ADAM11: variants seen among roughly 807,000 people sequenced by gnomAD.
ADAM11 encodes the protein disintegrin and metalloproteinase domain-containing protein 11.
Under a neutral mutation model 119.1 loss-of-function variants are expected in ADAM11, and 49 were observed. The ratio of observed to expected loss-of-function variants is 0.41; its 90% CI spans 0.33 to 0.52. The LOEUF is 0.52. ADAM11 is among the 20% of genes least tolerant of loss of function. ADAM11 has a pLI of 0.20. For missense variants in ADAM11, 777 were observed against 1,047.5 expected (o/e 0.74, Z 3.56); for synonymous variants, 364 against 408.0 (o/e 0.89, Z 1.30).
chr17:44,779,624 G>A, intron 26 of ADAM11, 115 bp from the exon 27 acceptor site: 1 of 1,497,808 alleles, frequency 6.7e-7, no homozygotes, highest in Non-Finnish European at 8.8e-7. Context: ...TCCCTGGCCA[G>A]CCTGTGACTT....
intron 2 of ADAM11, among the ~76,000 whole-genome samples, chr17:44,766,516 G>A (rs980129179): frequency 6.6e-6 from 1 of 152,154 alleles, no homozygotes; most frequent in African/African-American, 2.4e-5. Context: ...GGAGCCTCGG[G>A]TGGAAGGGGT....
At position 44,777,368 on chromosome 17, in the gene ADAM11, A is replaced by C; in HGVS notation, c.1781+103A>C. 6.6e-7 allele frequency: 1 copy of C among 1,520,746 alleles called. No individual in the cohort carries two copies. Among genetic ancestry groups the C allele is most frequent in the South Asian group, 1.2e-5 (1 of 83,990 alleles). 94.2% of individuals were successfully genotyped at this position (1,520,746 alleles called of 1,614,324 possible). On this transcript the variant is annotated intron_variant, in intron 21 of 26. Coordinates refer to ENST00000200557, the MANE Select transcript of ADAM11 (RefSeq NM_002390.6). The surrounding 1 kb of genome is among the most constrained non-coding windows in gnomAD (Gnocchi z 5.1). ...TCCCAGGAGGAGCCTGTCAGTCCCAATGGGCGGGCACGTGGCAAATGAGGT... is the reference window on the plus strand; with the variant it reads ...TCCCAGGAGGAGCCTGTCAGTCCCACTGGGCGGGCACGTGGCAAATGAGGT...
At position 44,774,717 on chromosome 17, in the gene ADAM11, C is replaced by A; in HGVS notation, c.1188C>A (p.Asp396Glu). The part of the protein sequence containing the change: ...RSSAGDCKCP[D>E]IWLGCIMEDT... ...CCTCAGGGGACTGCAAGTGTCCAGA[C>A]ATCTGGCTGGGCTGCATCATGGAGG... The change falls in exon 14 of 27, where the codon GAC becomes GAA. Residue 396 changes from aspartate (D) to glutamate (E), a missense_variant. Physicochemically the swap from Asp to Glu is conservative, Grantham distance 45. Transcript: ENST00000200557. 1 of 1,589,938 alleles carries A rather than the reference C, an allele frequency of 6.3e-7. No individual in the cohort carries two copies. Among genetic ancestry groups the A allele is most frequent in the Non-Finnish European group, 8.5e-7 (1 of 1,172,488 alleles).
chr17:44,769,195 C>A (rs1380239417), intron 2 of ADAM11, among the ~76,000 whole-genome samples: 2 of 152,206 alleles, frequency 1.3e-5, no homozygotes, highest in African/African-American at 4.8e-5. Flanking sequence ...TTTCCAGGGG[C>A]CTAGCCATCC....
intron 2 of ADAM11, among the ~76,000 whole-genome samples, chr17:44,761,374 G>A (rs912376546): frequency 4.6e-5 from 7 of 152,118 alleles, no homozygotes; most frequent in Admixed American, 2.6e-4. Flanking sequence ...GACCCTTTCC[G>A]AACAGAGACA....
At chr17:44,771,480 C>T in intron 4 of ADAM11, 104 bp from the exon 5 acceptor site, 1 of 1,171,834 alleles carries the variant, frequency 8.5e-7, no homozygotes, top group Non-Finnish European at 1.2e-6. Flanking sequence ...GGGATTGTGG[C>T]CACCTGCACA....
chr17:44,772,802 A>G lies in ADAM11; in HGVS notation c.679-55A>G. On this transcript the variant is annotated intron_variant, in intron 8 of 26. Coordinates refer to ENST00000200557, the MANE Select transcript of ADAM11 (RefSeq NM_002390.6). The surrounding 1 kb of genome is among the most constrained non-coding windows in gnomAD (Gnocchi z 4.5). ...CACCGAGTCTGTTCCTGGCTTGGCCATGAGATCAGTCAGACATGGAAGGGA... is the reference window on the plus strand; with the variant it reads ...CACCGAGTCTGTTCCTGGCTTGGCCGTGAGATCAGTCAGACATGGAAGGGA... 1 of 1,543,012 alleles carries G rather than the reference A, an allele frequency of 6.5e-7. No homozygotes were observed. Among genetic ancestry groups the G allele is most frequent in the Non-Finnish European group, 8.9e-7 (1 of 1,120,256 alleles).
chr17:44,766,058 A>G (rs1007389520), intron 2 of ADAM11, among the ~76,000 whole-genome samples: 2 of 152,216 alleles, frequency 1.3e-5, no homozygotes, highest in African/African-American at 4.8e-5. Context: ...GCTCCAGGGA[A>G]CTAAAGGTCG....
Position 44,779,950 on chromosome 17 carries a change from G to A in ADAM11, c.*196G>A. On this transcript the variant is annotated 3_prime_UTR_variant, in exon 27 of 27. Transcript: ENST00000200557. ...CCACCAGGGTGGACCAGGCCTGGAG[G>A]GCACTTCCTCCACAGTCCCCCACCC... The A allele has an allele frequency of 1.2e-6, 1 of 803,760 alleles. No homozygotes were observed. Among genetic ancestry groups the A allele is most frequent in the Non-Finnish European group, 2.1e-6 (1 of 477,804 alleles). The allele number at this position is 803,760 out of a possible 1,614,324, so 49.8% of individuals were successfully genotyped here. A position where few individuals can be genotyped will look rare whatever the true frequency, so the allele number is the denominator to read the frequency against.
At position 44,780,108 on chromosome 17, in the gene ADAM11, T is replaced by C. The variant is rs1303214205; in HGVS notation, c.*354T>C. ...CAGCCACCAGTGGACCTAGCCTGGATGGCCCCTCCTTGCAACCAGGCAGCT... is the reference window on the plus strand; with the variant it reads ...CAGCCACCAGTGGACCTAGCCTGGACGGCCCCTCCTTGCAACCAGGCAGCT... On this transcript the variant is annotated 3_prime_UTR_variant, in exon 27 of 27. Coordinates refer to ENST00000200557, the MANE Select transcript of ADAM11 (RefSeq NM_002390.6). 8.0e-6 allele frequency: 5 copies of C among 628,032 alleles called. No individual in the cohort carries two copies. In the Admixed American group the frequency reaches 1.1e-4, roughly 13 times the overall value. The allele number at this position is 628,032 out of a possible 1,614,324, so 38.9% of individuals were successfully genotyped here. A position where few individuals can be genotyped will look rare whatever the true frequency, so the allele number is the denominator to read the frequency against.
intron 4 of ADAM11, 68 bp downstream of exon 4, chr17:44,770,116 C>T (rs1280996036): frequency 6.4e-7 from 1 of 1,574,310 alleles, no homozygotes; most frequent in Non-Finnish European, 8.7e-7. Flanking sequence ...GTTCTGTGGT[C>T]ACAGGTGTAG....
intron 2 of ADAM11, among the ~76,000 whole-genome samples, chr17:44,766,300 G>A (rs1207083369): frequency 6.6e-6 from 1 of 152,214 alleles, no homozygotes; most frequent in Non-Finnish European, 1.5e-5. Flanking sequence ...TGGAGAATTT[G>A]AGAATCCTAA....
At chr17:44,769,280 C>G (rs939986155) in intron 2 of ADAM11, among the ~76,000 whole-genome samples, 5 of 152,202 alleles carry the variant, frequency 3.3e-5, no homozygotes, top group African/African-American at 1.2e-4. Context: ...GGACAGGCAG[C>G]GAGGGTCCTG....
rs1424397465 is a variant in ADAM11, at chr17:44,776,695, C to G, written c.1567-50C>G. On this transcript the variant is annotated intron_variant, in intron 18 of 26. Coordinates refer to ENST00000200557, the MANE Select transcript of ADAM11 (RefSeq NM_002390.6). This position sits in a 1 kb window ranked among gnomAD's most constrained non-coding sequence, Gnocchi z 5.2. ...CAGCATTCCTCCCTGGGGCAGCCCT[C>G]AGCTCCAGTCCTGGGACTGCTCCGC... 1 of 1,605,668 alleles carries G rather than the reference C, an allele frequency of 6.2e-7. No homozygotes were observed. The highest frequency in any genetic ancestry group is 8.5e-7 in the Non-Finnish European group (1 of 1,174,502).
At chr17:44,771,496 C>A in intron 4 of ADAM11, 88 bp from the exon 5 acceptor site, 1 of 1,319,730 alleles carries the variant, frequency 7.6e-7, no homozygotes, top group Non-Finnish European at 1.1e-6. Flanking sequence ...GCACACAGGG[C>A]AGCTTCAGTG....
chr17:44,776,024 C>A lies in ADAM11; in HGVS notation c.1486-103C>A. The A allele has an allele frequency of 1.5e-6, 2 of 1,348,772 alleles. No homozygotes were observed. The highest frequency in any genetic ancestry group is 2.1e-6 in the Non-Finnish European group (2 of 956,140). The allele number at this position is 1,348,772 out of a possible 1,614,324, so 83.6% of individuals were successfully genotyped here. A position where few individuals can be genotyped will look rare whatever the true frequency, so the allele number is the denominator to read the frequency against. ...AGGCCTGAAACGGGGCCCTGGGGAG[C>A]TGGAGGGCCCGGGGATGTGGGGGTC... On this transcript the variant is annotated intron_variant, in intron 17 of 26. Transcript: ENST00000200557. The surrounding 1 kb of genome is among the most constrained non-coding windows in gnomAD (Gnocchi z 5.2).
In ADAM11 at chr17:44,777,331, G is replaced by C; in HGVS notation, c.1781+66G>C. 1 of 1,548,376 alleles carries C rather than the reference G, an allele frequency of 6.5e-7. No homozygotes were observed. The highest frequency in any genetic ancestry group is 8.8e-7 in the Non-Finnish European group (1 of 1,137,612). ...CAGGTGTGAGACTTTTCAGAGATGG[G>C]GCAGCAGGTTCTCCCAGGAGGAGCC... is the stretch of plus-strand genomic sequence containing the variant. On this transcript the variant is annotated intron_variant, in intron 21 of 26. Transcript: ENST00000200557. This position sits in a 1 kb window ranked among gnomAD's most constrained non-coding sequence, Gnocchi z 5.1.
intron 2 of ADAM11, among the ~76,000 whole-genome samples, chr17:44,761,748 T>C (rs2049391861): frequency 6.6e-6 from 1 of 152,186 alleles, no homozygotes; most frequent in Admixed American, 6.5e-5. Flanking sequence ...TGGACTTCTA[T>C]GGGCCACTCT....
intron 2 of ADAM11, among the ~76,000 whole-genome samples, chr17:44,765,983 G>A (rs895556950): frequency 2.0e-5 from 3 of 152,192 alleles, no homozygotes; most frequent in Admixed American, 6.5e-5. Context: ...CAGGCCTTGC[G>A]ATACATTTCC....
Sources: gnomAD v4.1 joint callset for allele counts (sites outside exome capture counted in the v4.1 genomes callset) on GRCh38, gnomAD v4.1.1 for gene constraint, Gnocchi (gnomAD v3.1) non-coding constraint, MANE v1.5 for transcripts, NCBI Gene and HGNC (gene_info 2026-07-23, HGNC 2026-07-21) for gene names.